Variants in CRBN observed in about 807,000 individuals in gnomAD.
CRBN encodes cereblon, also known as protein cereblon.
In CRBN, 53 loss-of-function variants were observed where a neutral mutation model predicts 62.2. That is an observed-to-expected ratio of 0.85 (90% CI 0.68 to 1.07). The LOEUF (loss-of-function observed/expected upper bound fraction) is 1.07, where lower values mean the gene tolerates loss of function less well. Among genes scored for constraint, CRBN ranks in the 50% least tolerant of loss-of-function variants. The pLI is 0.00. For synonymous variants in CRBN, 208 were observed against 176.1 expected, an observed-to-expected ratio of 1.18 and a Z score of -1.43; for missense variants, 616 against 531.1, an observed-to-expected ratio of 1.16 and a Z score of -1.57.
intron 5 of CRBN, among the ~76,000 whole-genome samples, chr3:3,161,723 C>T (rs1006449587): frequency 6.6e-6 from 1 of 152,178 alleles, no homozygotes; most frequent in Non-Finnish European, 1.5e-5. Flanking sequence ...ATTATAAATG[C>T]ATTTACCCTG....
rs1328427067 is a variant in CRBN, at chr3:3,173,080, T to TG, written c.378-156dup. On this transcript the variant is annotated intron_variant, in intron 3 of 10. Coordinates refer to ENST00000231948, the MANE Select transcript of CRBN (RefSeq NM_016302.4). ...TATTTATTTATTTATTTGTTTGAGA[T>TG]GGAGTCTCGCTGCGTTGCCCAGACT... is the stretch of plus-strand genomic sequence containing the variant. 2.0e-5 allele frequency among the ~76,000 whole-genome samples: 3 copies of TG among 152,242 alleles called. No homozygotes were observed. The East Asian group carries it at 5.8e-4, about 29-fold the overall frequency.
intron 9 of CRBN, 114 bp from the exon 10 acceptor site, chr3:3,152,701 T>C: frequency 7.8e-7 from 1 of 1,284,314 alleles, no homozygotes. Context: ...ATACAGTTTT[T>C]AATCCTTCAG....
intron 5 of CRBN, among the ~76,000 whole-genome samples, chr3:3,159,453 A>T (rs1428777465): frequency 6.6e-6 from 1 of 152,222 alleles, no homozygotes; most frequent in Non-Finnish European, 1.5e-5. Context: ...AGTGTAGTAC[A>T]AAAGTGTAAT....
At chr3:3,176,966 T>C (rs1431444245) in intron 1 of CRBN, among the ~76,000 whole-genome samples, 1 of 152,216 alleles carries the variant, frequency 6.6e-6, no homozygotes, top group Non-Finnish European at 1.5e-5. Context: ...TTTCCTATCC[T>C]AGACCAGTGA....
At chr3:3,177,273 G>T (rs1299877680) in intron 1 of CRBN, among the ~76,000 whole-genome samples, 1 of 152,114 alleles carries the variant, frequency 6.6e-6, no homozygotes, top group Non-Finnish European at 1.5e-5. Context: ...ATAATCATTT[G>T]TTTTCCTTTG....
intron 9 of CRBN, chr3:3,153,077 A>G (rs1706696220): frequency 6.5e-6 from 2 of 308,814 alleles, no homozygotes; most frequent in South Asian, 3.5e-5. Flanking sequence ...CTTTGGCCCT[A>G]TATGGCAAAA....
chr3:3,165,274 T>C (rs563259896), intron 5 of CRBN, among the ~76,000 whole-genome samples: 1 of 152,296 alleles, frequency 6.6e-6, no homozygotes, highest in East Asian at 1.9e-4. Flanking sequence ...GAATATTACA[T>C]AAACTTAGTT....
chr3:3,151,853 GA>G (rs1329867203), intron 10 of CRBN, among the ~76,000 whole-genome samples: 1 of 143,904 alleles, frequency 6.9e-6, no homozygotes, highest in Non-Finnish European at 1.5e-5. Flanking sequence ...CAAACTAGAA[GA>G]AAAGCAGGAT....
At chr3:3,163,407 G>A (rs1219709470) in intron 5 of CRBN, among the ~76,000 whole-genome samples, 4 of 152,078 alleles carry the variant, frequency 2.6e-5, no homozygotes, top group Non-Finnish European at 4.4e-5. Flanking sequence ...GTGCTTCTTT[G>A]GTCTTCCCAG....
chr3:3,151,199 A>G (rs1201291240), intron 10 of CRBN, among the ~76,000 whole-genome samples, 154 bp from the exon 11 acceptor site: 1 of 152,194 alleles, frequency 6.6e-6, no homozygotes, highest in African/African-American at 2.4e-5. Context: ...GAAACCTAAA[A>G]ACATTTCTAA....
Position 3,153,465 on chromosome 3 carries a change from T to C in CRBN, c.975A>G (p.Gln325=), listed in dbSNP as rs748809085. The part of the protein sequence containing the change: ...MNKCTSLCCK[Q]CQETEITTKN... ...TGGTTGTTATTTCTGTTTCTTGACA[T>C]TGTTTACAGCAAAGGGAAGTACACT... The change falls in exon 9 of 11, where the codon CAA becomes CAG. Residue 325 remains glutamine, a synonymous_variant. Transcript: ENST00000231948. 2 of 1,581,174 alleles carry C rather than the reference T, an allele frequency of 1.3e-6. No homozygotes were observed. The highest frequency in any genetic ancestry group is 1.3e-5 in the African/African-American group (1 of 74,300).
intron 5 of CRBN, among the ~76,000 whole-genome samples, chr3:3,157,484 T>C (rs890653005): frequency 2.6e-5 from 4 of 152,088 alleles, no homozygotes; most frequent in Non-Finnish European, 5.9e-5. Flanking sequence ...CAAGGTAACA[T>C]TTAACAAAAC....
chr3:3,152,421 AAG>A, intron 10 of CRBN, 33 bp downstream of exon 10: 1 of 1,586,734 alleles, frequency 6.3e-7, no homozygotes, highest in Non-Finnish European at 8.5e-7. Context: ...AAGGTAAAAA[AAG>A]AAAAAAAAAA....
rs567872565 is a variant in CRBN at position 3,174,360 on chromosome 3, G to A, written c.175-99C>T. 6 of 978,448 alleles carry A rather than the reference G, an allele frequency of 6.1e-6. No individual in the cohort carries two copies. In the Admixed American group the frequency reaches 9.9e-5, roughly 16 times the overall value. 60.6% of individuals were successfully genotyped at this position (978,448 alleles called of 1,614,324 possible). A position where few individuals can be genotyped will look rare whatever the true frequency, so the allele number is the denominator to read the frequency against. On this transcript the variant is annotated intron_variant, in intron 2 of 10. Transcript: ENST00000231948. Reference sequence around the variant, plus strand: ...GCAAATCACATTAAAAGAAATACAGGCCGGGCACAGTGGCTCACACCTGTA... The same window carrying A: ...GCAAATCACATTAAAAGAAATACAGACCGGGCACAGTGGCTCACACCTGTA...
At chr3:3,179,564 T>C in intron 1 of CRBN, 57 bp downstream of exon 1, 1 of 1,558,260 alleles carries the variant, frequency 6.4e-7, no homozygotes, top group Admixed American at 1.7e-5. Flanking sequence ...GCTGCACCGC[T>C]AGCGGCTCCG....
intron 4 of CRBN, among the ~76,000 whole-genome samples, chr3:3,171,805 A>C (rs552486236): frequency 4.6e-5 from 7 of 152,276 alleles, no homozygotes; most frequent in Admixed American, 2.6e-4. Flanking sequence ...AAAAAACCCC[A>C]AAATACTCAG....
At chr3:3,176,014 TC>T (rs2126069942) in intron 1 of CRBN, among the ~76,000 whole-genome samples, 1 of 152,322 alleles carries the variant, frequency 6.6e-6, no homozygotes, top group Admixed American at 6.5e-5. Flanking sequence ...GTCAGGTTTT[TC>T]CGCTGTAAAG....
chr3:3,164,111 C>T (rs1291677685), intron 5 of CRBN, among the ~76,000 whole-genome samples: 1 of 152,196 alleles, frequency 6.6e-6, no homozygotes, highest in African/African-American at 2.4e-5. Context: ...CTCTCTCCCT[C>T]TCCTCAGGCT....
At chr3:3,173,214 C>A (rs570096141) in intron 3 of CRBN, among the ~76,000 whole-genome samples, 41 of 152,030 alleles carry the variant, frequency 2.7e-4, no homozygotes, top group Admixed American at 5.2e-4. Context: ...CATACCACCA[C>A]GCCTGGCTAA....
Sources: allele counts gnomAD v4.1 joint callset (sites outside exome capture counted in the v4.1 genomes callset), GRCh38; gene constraint gnomAD v4.1.1; transcripts MANE v1.5; gene names NCBI Gene and HGNC (gene_info 2026-07-23, HGNC 2026-07-21).